BBS9: variants seen among roughly 807,000 people sequenced by gnomAD.
The protein encoded by BBS9 is protein PTHB1.
In BBS9, 89 loss-of-function variants were observed where a neutral mutation model predicts 117.7. That is an observed-to-expected ratio of 0.76 (90% CI 0.64 to 0.90). BBS9 has a LOEUF of 0.90. BBS9 is among the 40% of genes least tolerant of loss of function. BBS9 has a pLI of 0.00. For missense variants in BBS9, 982 were observed against 1,042.2 expected (o/e 0.94, Z 0.80); for synonymous variants, 379 against 370.9 (o/e 1.02, Z -0.25).
At chr7:33,565,791 A>ATATATATACCGCTATATATACTGC (rs1856763742) in intron 21 of BBS9, among the ~76,000 whole-genome samples, 1 of 36,120 alleles carries the variant, frequency 2.8e-5, no homozygotes, top group African/African-American at 3.5e-4. Flanking sequence ...GTATATATAT[A>ATATATATACCGCTATATATACTGC]TATATATATA....
At chr7:33,572,436 C>G (rs995052531) in intron 21 of BBS9, among the ~76,000 whole-genome samples, 2 of 152,018 alleles carry the variant, frequency 1.3e-5, no homozygotes, top group East Asian at 3.9e-4. Flanking sequence ...ATACCAATTT[C>G]CTTTCTTTTG....
At chr7:33,609,270 A>G (rs1013624609), downstream of BBS9, among the ~76,000 whole-genome samples, 1 of 152,090 alleles carries the variant, frequency 6.6e-6, no homozygotes, top group Non-Finnish European at 1.5e-5. Flanking sequence ...CATTGAAATG[A>G]TCTTCATTAC....
chr7:33,310,650 C>A (rs1480850549), intron 9 of BBS9, among the ~76,000 whole-genome samples: 2 of 152,180 alleles, frequency 1.3e-5, no homozygotes, highest in African/African-American at 4.8e-5. Context: ...GTTCCCTACC[C>A]CAGGGGACAT....
intron 11 of BBS9, among the ~76,000 whole-genome samples, chr7:33,343,963 TC>T (rs1398257222): frequency 6.6e-6 from 1 of 152,140 alleles, no homozygotes; most frequent in African/African-American, 2.4e-5. Flanking sequence ...GAGGTCTTCT[TC>T]TATGCAATAT....
rs545135537 is a variant in BBS9, at chr7:33,388,389, TG to T, written c.2115+246del. ...GTTTCCACATATTACCTCCCGGAGT[TG>T]TTGTGAGGATTTTTAATCTTTTATG... On this transcript the variant is annotated intron_variant, in intron 19 of 22. Transcript: ENST00000242067. 3.4e-3 allele frequency among the ~76,000 whole-genome samples: 518 copies of T among 152,274 alleles called. 5 individuals carry two copies. Among genetic ancestry groups the T allele is most frequent in the African/African-American group, 0.011 (472 of 41,558 alleles).
At chr7:33,524,622 T>C (rs1220126458) in intron 20 of BBS9, among the ~76,000 whole-genome samples, 1 of 152,238 alleles carries the variant, frequency 6.6e-6, no homozygotes, top group African/African-American at 2.4e-5. Context: ...TTATTGCGTC[T>C]ATTTGATTCT....
chr7:33,131,443 A>G (rs1789599448), intron 1 of BBS9, among the ~76,000 whole-genome samples: 1 of 152,226 alleles, frequency 6.6e-6, no homozygotes, highest in South Asian at 2.1e-4. Flanking sequence ...TGAAAATTCC[A>G]ACAGTGAGCC....
chr7:33,176,660 T>C (rs1797367985), intron 4 of BBS9, among the ~76,000 whole-genome samples: 1 of 152,210 alleles, frequency 6.6e-6, no homozygotes, highest in Non-Finnish European at 1.5e-5. Flanking sequence ...TTTTAGTGAT[T>C]GAGTACTACC....
At chr7:33,446,432 C>T (rs984378517) in intron 19 of BBS9, among the ~76,000 whole-genome samples, 7 of 151,948 alleles carry the variant, frequency 4.6e-5, no homozygotes, top group Non-Finnish European at 8.8e-5. Flanking sequence ...TTTGAAAAAG[C>T]TTGAAATTCC....
intron 20 of BBS9, among the ~76,000 whole-genome samples, chr7:33,527,979 C>T (rs1449141318): frequency 6.6e-6 from 1 of 152,088 alleles, no homozygotes; most frequent in Non-Finnish European, 1.5e-5. Context: ...TTTACAATAA[C>T]CCATTATACG....
intron 17 of BBS9, 134 bp from the exon 18 acceptor site, chr7:33,383,532 A>T: frequency 6.3e-6 from 5 of 789,032 alleles, no homozygotes; most frequent in Non-Finnish European, 6.1e-6. Context: ...TATTTTTATA[A>T]AGCCAGTGTA....
intron 17 of BBS9, among the ~76,000 whole-genome samples, chr7:33,371,528 G>A (rs1372263504): frequency 3.9e-5 from 6 of 152,096 alleles, no homozygotes; most frequent in Admixed American, 3.9e-4. Context: ...AGTTCAGTGG[G>A]AGAGGTTGAT....
intron 20 of BBS9, among the ~76,000 whole-genome samples, chr7:33,527,989 G>A (rs116946740): frequency 3.9e-4 from 60 of 152,104 alleles, no homozygotes; most frequent in Non-Finnish European, 7.8e-4. Flanking sequence ...CCCATTATAC[G>A]ATTAGCTTTA....
intron 9 of BBS9, among the ~76,000 whole-genome samples, chr7:33,334,405 G>T (rs1814832935): frequency 6.6e-6 from 1 of 152,126 alleles, no homozygotes; most frequent in Non-Finnish European, 1.5e-5. Flanking sequence ...CCCCCCCAGA[G>T]GTCTGCGCTT....
chr7:33,276,574 T>C (rs927518523), intron 9 of BBS9, among the ~76,000 whole-genome samples: 1 of 152,140 alleles, frequency 6.6e-6, no homozygotes, highest in South Asian at 2.1e-4. Context: ...GAAGTTGGAA[T>C]AGTAGCTGGT....
intron 19 of BBS9, among the ~76,000 whole-genome samples, chr7:33,458,754 T>C (rs991917972): frequency 2.6e-5 from 4 of 152,158 alleles, no homozygotes; most frequent in African/African-American, 7.2e-5. Flanking sequence ...AGTGATTCAC[T>C]GGAATAGGTG....
At chr7:33,373,104 G>A (rs1292758657) in intron 17 of BBS9, among the ~76,000 whole-genome samples, 1 of 150,626 alleles carries the variant, frequency 6.6e-6, no homozygotes, top group African/African-American at 2.4e-5. Flanking sequence ...TTGATCTTTT[G>A]TATTGTTTTG....
chr7:33,531,494 C>G (rs1257358781), intron 20 of BBS9, among the ~76,000 whole-genome samples: 3 of 152,114 alleles, frequency 2.0e-5, no homozygotes, highest in Non-Finnish European at 4.4e-5. Flanking sequence ...GTCTGGGGTT[C>G]TCTATTTAGC....
intron 21 of BBS9, among the ~76,000 whole-genome samples, chr7:33,620,728 G>GA (rs1195215894): frequency 3.3e-5 from 5 of 152,194 alleles, no homozygotes; most frequent in African/African-American, 1.2e-4. Flanking sequence ...CACAGAAATA[G>GA]AAAAATCAAT....
Sources: gnomAD v4.1 joint callset for allele counts (sites outside exome capture counted in the v4.1 genomes callset) on GRCh38, gnomAD v4.1.1 for gene constraint, MANE v1.5 for transcripts, NCBI Gene and HGNC (gene_info 2026-07-23, HGNC 2026-07-21) for gene names.